Variants in SLC9A9 observed in about 807,000 individuals in gnomAD.
SLC9A9 encodes the protein solute carrier family 9 member A9.
A neutral mutation model predicts 77.8 loss-of-function variants in SLC9A9; 62 were observed. That is an observed-to-expected ratio of 0.80 (90% CI 0.65 to 0.98). The LOEUF (loss-of-function observed/expected upper bound fraction) is 0.98. Among genes scored for constraint, SLC9A9 ranks in the 50% least tolerant of loss-of-function variants. The pLI, the probability that SLC9A9 is intolerant of heterozygous loss-of-function variation, is 0.00. For synonymous variants in SLC9A9, 320 were observed against 283.5 expected, an observed-to-expected ratio of 1.13 and a Z score of -1.29; for missense variants, 775 against 774.9, an observed-to-expected ratio of 1.00 and a Z score of 0.00.
At chr3:143,828,658 T>C (rs980338253) in intron 2 of SLC9A9, among the ~76,000 whole-genome samples, 1 of 152,018 alleles carries the variant, frequency 6.6e-6, no homozygotes, top group African/African-American at 2.4e-5. Context: ...GAAAAGATGG[T>C]ACTTCAAGCC....
intron 9 of SLC9A9, among the ~76,000 whole-genome samples, chr3:143,512,910 A>C (rs1401828646): frequency 6.6e-6 from 1 of 152,148 alleles, no homozygotes; most frequent in Non-Finnish European, 1.5e-5. Context: ...AAACAAAAGA[A>C]ATGTACATGT....
intron 4 of SLC9A9, among the ~76,000 whole-genome samples, chr3:143,761,005 T>A (rs189766168): frequency 6.6e-6 from 1 of 152,010 alleles, no homozygotes; most frequent in Non-Finnish European, 1.5e-5. Flanking sequence ...CACAGACCAA[T>A]GGAACAGAAC....
At chr3:143,508,223 C>T (rs992915902) in intron 9 of SLC9A9, among the ~76,000 whole-genome samples, 1 of 152,226 alleles carries the variant, frequency 6.6e-6, no homozygotes, top group Non-Finnish European at 1.5e-5. Context: ...TCTAAATTAA[C>T]ATTTACTGCT....
At chr3:143,796,557 G>A (rs1260312099) in intron 3 of SLC9A9, among the ~76,000 whole-genome samples, 3 of 152,128 alleles carry the variant, frequency 2.0e-5, no homozygotes, top group African/African-American at 7.2e-5. Flanking sequence ...AAAATCCAGT[G>A]TGTATTTTAC....
At chr3:143,337,272 C>A (rs138662131) in intron 14 of SLC9A9, among the ~76,000 whole-genome samples, 2 of 152,076 alleles carry the variant, frequency 1.3e-5, no homozygotes, top group Non-Finnish European at 2.9e-5. Context: ...TTCCACCCCC[C>A]ACCCTCATTC....
chr3:143,816,596 A>G (rs79769229), intron 2 of SLC9A9, among the ~76,000 whole-genome samples: 6,369 of 152,164 alleles, frequency 0.042, 303 homozygotes, highest in African/African-American at 0.12. Context: ...TCTTGTTACC[A>G]TTACTAAAAA....
chr3:143,666,227 C>T (rs546392639), intron 5 of SLC9A9, among the ~76,000 whole-genome samples: 2 of 152,322 alleles, frequency 1.3e-5, no homozygotes, highest in South Asian at 4.1e-4. Flanking sequence ...GAACCAAAGA[C>T]AAAAACCACA....
Position 143,517,888 on chromosome 3 carries a change from T to C in SLC9A9, c.1090-22440A>G, listed in dbSNP as rs534992144. The C allele has an allele frequency of 1.2e-5, 18 of 1,549,018 alleles. No individual in the cohort carries two copies. In the African/African-American group the frequency reaches 2.4e-4, roughly 21 times the overall value. ...CAATAGCAGCCACTTTTTAATCATT[T>C]GCCTGATCCATCATCTCCTCCGTTA... On this transcript the variant is annotated intron_variant, in intron 9 of 15. Transcript: ENST00000316549.
intron 4 of SLC9A9, among the ~76,000 whole-genome samples, chr3:143,763,015 C>T (rs1283163471): frequency 1.3e-5 from 2 of 152,128 alleles, no homozygotes; most frequent in Admixed American, 6.6e-5. Context: ...CTTTGGACTC[C>T]ATTTGTGAAA....
chr3:143,432,639 A>G (rs2034542381), intron 12 of SLC9A9, among the ~76,000 whole-genome samples: 1 of 151,802 alleles, frequency 6.6e-6, no homozygotes, highest in African/African-American at 2.4e-5. Flanking sequence ...TGCCCACATT[A>G]TTTTTTTGAG....
At chr3:143,655,714 A>T in intron 5 of SLC9A9, 1 of 875,574 alleles carries the variant, frequency 1.1e-6, no homozygotes, top group Non-Finnish European at 1.4e-6. Context: ...ACACACACAA[A>T]CACACCCCTA....
chr3:143,513,943 T>A (rs965201339), intron 9 of SLC9A9, among the ~76,000 whole-genome samples: 11 of 152,232 alleles, frequency 7.2e-5, no homozygotes, highest in Non-Finnish European at 1.6e-4. Flanking sequence ...CATTAACTGA[T>A]ATACCTAATG....
intron 5 of SLC9A9, among the ~76,000 whole-genome samples, chr3:143,656,753 T>A (rs777609795): frequency 3.3e-5 from 5 of 152,164 alleles, no homozygotes; most frequent in Admixed American, 6.5e-5. Context: ...CTCTCTATGG[T>A]TTTCTGTGCA....
intron 9 of SLC9A9, among the ~76,000 whole-genome samples, chr3:143,522,433 T>C (rs1442890096): frequency 6.6e-6 from 1 of 152,162 alleles, no homozygotes; most frequent in Non-Finnish European, 1.5e-5. Flanking sequence ...CAAAATCTAA[T>C]ATGGCCACCA....
chr3:143,776,423 A>G (rs2007694410), intron 4 of SLC9A9, among the ~76,000 whole-genome samples: 1 of 152,204 alleles, frequency 6.6e-6, no homozygotes, highest in African/African-American at 2.4e-5. Flanking sequence ...GGAGTTATAA[A>G]CTAGTGAGAA....
At chr3:143,749,804 T>C (rs1474976472) in intron 4 of SLC9A9, among the ~76,000 whole-genome samples, 2 of 152,208 alleles carry the variant, frequency 1.3e-5, no homozygotes, top group African/African-American at 2.4e-5. Context: ...TATTCCTATA[T>C]GGAAATCTTT....
intron 14 of SLC9A9, among the ~76,000 whole-genome samples, chr3:143,272,095 C>G (rs1010139365): frequency 1.3e-5 from 2 of 152,150 alleles, no homozygotes; most frequent in Non-Finnish European, 2.9e-5. Flanking sequence ...CAAAGTTGGA[C>G]TACTTGGGCC....
chr3:143,432,927 C>G (rs530100379), intron 12 of SLC9A9, among the ~76,000 whole-genome samples: 26 of 152,304 alleles, frequency 1.7e-4, no homozygotes, highest in African/African-American at 6.3e-4. Flanking sequence ...CGCCTGGCCT[C>G]TTGCCTGCAT....
At chr3:143,371,492 C>T (rs188240115) in intron 13 of SLC9A9, among the ~76,000 whole-genome samples, 5 of 152,186 alleles carry the variant, frequency 3.3e-5, no homozygotes, top group Admixed American at 3.3e-4. Flanking sequence ...CATATCATAA[C>T]AACTGCTAGA....
Sources: gnomAD v4.1 joint callset for allele counts (sites outside exome capture counted in the v4.1 genomes callset) on GRCh38, gnomAD v4.1.1 for gene constraint, MANE v1.5 for transcripts, NCBI Gene and HGNC (gene_info 2026-07-23, HGNC 2026-07-21) for gene names.